Variants in ANK1 observed in about 807,000 individuals in gnomAD.
ANK1 encodes the protein ankyrin 1, also known as ankyrin-1.
Under a neutral mutation model 210.4 loss-of-function variants are expected in ANK1, and 51 were observed. The ratio of observed to expected loss-of-function variants is 0.24; its 90% CI spans 0.19 to 0.31. The LOEUF (loss-of-function observed/expected upper bound fraction) is 0.31. Ranked by LOEUF, ANK1 falls within the 10% of genes least tolerant of loss-of-function variation. ANK1 has a pLI of 1.00. For missense variants in ANK1, 2,051 were observed against 2,504.4 expected, an observed-to-expected ratio of 0.82 and a Z score of 3.86; for synonymous variants, 967 against 1,025.9, an observed-to-expected ratio of 0.94 and a Z score of 1.10.
chr8:41,723,769 T>A, intron 7 of ANK1, 136 bp from the exon 8 acceptor site: 16 of 605,004 alleles, frequency 2.6e-5, no homozygotes, highest in Non-Finnish European at 3.4e-5. Flanking sequence ...TGGCCTAAGA[T>A]ATTTTATTTT....
intron 1 of ANK1, among the ~76,000 whole-genome samples, chr8:41,833,434 A>G (rs1807049633): frequency 6.6e-6 from 1 of 152,142 alleles, no homozygotes; most frequent in South Asian, 2.1e-4. Context: ...ACAAAGGAAA[A>G]ATCTGTCCAG....
At chr8:41,695,694 A>T (rs572159601) in intron 26 of ANK1, among the ~76,000 whole-genome samples, 1 of 152,384 alleles carries the variant, frequency 6.6e-6, no homozygotes, top group African/African-American at 2.4e-5. Flanking sequence ...CATTTCCTTC[A>T]GAGGGACACT....
chr8:41,810,829 C>T (rs960457488), intron 1 of ANK1, among the ~76,000 whole-genome samples: 1 of 152,198 alleles, frequency 6.6e-6, no homozygotes, highest in African/African-American at 2.4e-5. Context: ...CCCGGGAATT[C>T]GGAGGCCAGG....
chr8:41,664,962 C>A, intron 39 of ANK1: 1 of 1,614,228 alleles, frequency 6.2e-7, no homozygotes, highest in Non-Finnish European at 8.5e-7. Flanking sequence ...GTTCTGACAG[C>A]TGACCAGGAA....
At chr8:41,683,754 G>A (rs1312094630) in intron 37 of ANK1, among the ~76,000 whole-genome samples, 2 of 152,228 alleles carry the variant, frequency 1.3e-5, no homozygotes, top group East Asian at 1.9e-4. Flanking sequence ...CCTCCTGGCC[G>A]GAGAGTGGGG....
At chr8:41,735,812 TG>T (rs1833273832) in intron 2 of ANK1, among the ~76,000 whole-genome samples, 1 of 152,162 alleles carries the variant, frequency 6.6e-6, no homozygotes, top group African/African-American at 2.4e-5. Flanking sequence ...GTGGGGACCT[TG>T]GATGCAGCAA....
intron 1 of ANK1, among the ~76,000 whole-genome samples, chr8:41,812,721 C>T (rs1233175383): frequency 3.3e-5 from 5 of 152,106 alleles, no homozygotes; most frequent in Admixed American, 6.6e-5. Flanking sequence ...TTCCACGGAC[C>T]GGAGGTGGTG....
chr8:41,684,234 A>C (rs1331161996), intron 37 of ANK1, among the ~76,000 whole-genome samples: 2 of 152,170 alleles, frequency 1.3e-5, no homozygotes, highest in Non-Finnish European at 2.9e-5. Flanking sequence ...GAGGCCTCTG[A>C]CTCAGCTTTT....
At chr8:41,838,642 T>C (rs1808248960) in intron 1 of ANK1, among the ~76,000 whole-genome samples, 1 of 151,198 alleles carries the variant, frequency 6.6e-6, no homozygotes, top group Non-Finnish European at 1.5e-5. Context: ...GGTGCGTGCC[T>C]GTAATCCCAG....
At chr8:41,696,316 C>T (rs1390123397) in intron 26 of ANK1, 47 bp downstream of exon 26, 7 of 1,600,298 alleles carry the variant, frequency 4.4e-6, no homozygotes, top group African/African-American at 1.3e-5. Flanking sequence ...GCGTGGCCTC[C>T]GTGGCACAGG....
intron 2 of ANK1, among the ~76,000 whole-genome samples, chr8:41,755,321 G>A (rs899292125): frequency 6.6e-6 from 1 of 152,214 alleles, no homozygotes; most frequent in African/African-American, 2.4e-5. Flanking sequence ...ATTCCCTGGT[G>A]GCATCAAAAT....
At chr8:41,838,740 G>A (rs1256795363) in intron 1 of ANK1, among the ~76,000 whole-genome samples, 2 of 145,366 alleles carry the variant, frequency 1.4e-5, no homozygotes, top group African/African-American at 5.5e-5. Context: ...ACTCCAGCCT[G>A]GGGGACAAAG....
Position 41,725,804 on chromosome 8 carries a change from G to A in ANK1, c.569C>T (p.Ala190Val). The change falls in exon 6 of 43, where the codon GCG becomes GTG. Residue 190 changes from alanine (A) to valine (V), a missense_variant. Ala to Val is a moderately conservative substitution (Grantham distance 64). Transcript: ENST00000289734. ...AARNDDTRTAAVLLQNDPNPD... is the reference protein window; with the variant it reads ...AARNDDTRTAVVLLQNDPNPD... ...GTTGGGGTCGTTCTGCAGCAGCACC[G>A]CAGCCGTGCGCGTGTCGTCGTTGCG... is the stretch of plus-strand genomic sequence containing the variant. 6 of 1,611,646 alleles carry A rather than the reference G, an allele frequency of 3.7e-6. No homozygotes were observed. Among genetic ancestry groups the A allele is most frequent in the Non-Finnish European group, 5.1e-6 (6 of 1,179,744 alleles).
In ANK1 at chr8:41,794,367, C is replaced by G. The variant is rs567131682; in HGVS notation, c.27+3145G>C. ...TCAGGACCTTTGCATGTGCTGTTTC[C>G]TCTGGAGTTTGGCCTGGCTGTTTCC... is the stretch of plus-strand genomic sequence containing the variant. On this transcript the variant is annotated intron_variant, in intron 1 of 42. Coordinates refer to ENST00000289734, the MANE Select transcript of ANK1 (RefSeq NM_000037.4). Among the ~76,000 whole-genome samples, 64 of 152,266 alleles carry G rather than the reference C, an allele frequency of 4.2e-4. No individual in the cohort carries two copies. The South Asian group carries it at 0.011, about 25-fold the overall frequency.
In ANK1 at chr8:41,877,885, G is replaced by A. The variant is rs975319107; in HGVS notation, c.126+18470C>T. On this transcript the variant is annotated intron_variant, in intron 1 of 42. Transcript: ENST00000265709. ...GCCTGAAGACAGAAGCCAGGTAGAC[G>A]TGCCTGAGGAACAGAGCTAAGGCGA... Among the ~76,000 whole-genome samples the A allele has an allele frequency of 3.3e-5, 5 of 152,224 alleles. No homozygotes were observed. In the South Asian group the frequency reaches 1.0e-3, roughly 32 times the overall value.
At position 41,699,437 on chromosome 8, in the gene ANK1, G is replaced by A. The variant is rs754882858; in HGVS notation, c.2558+15C>T. The A allele has an allele frequency of 3.6e-5, 58 of 1,613,328 alleles. 1 individual carries two copies. The highest frequency in any genetic ancestry group is 2.0e-4 in the Admixed American group (12 of 60,000). On this transcript the variant is annotated intron_variant, in intron 23 of 42. Transcript: ENST00000289734. ...TCTCGGCACCCCCGGGGACCCTCCC[G>A]GGAGCACTGCTCACACTTGGTCTAG... is the stretch of plus-strand genomic sequence containing the variant.
chr8:41,812,649 A>G (rs1017100380), intron 1 of ANK1, among the ~76,000 whole-genome samples: 3 of 152,230 alleles, frequency 2.0e-5, no homozygotes, highest in Admixed American at 2.0e-4. Context: ...CATGAAATAT[A>G]CCAGAGAATA....
chr8:41,657,692 A>G (rs1806260955), intron 42 of ANK1, among the ~76,000 whole-genome samples: 1 of 152,210 alleles, frequency 6.6e-6, no homozygotes, highest in South Asian at 2.1e-4. Context: ...TTCAGACCTC[A>G]GAGATCATGC....
intron 1 of ANK1, among the ~76,000 whole-genome samples, chr8:41,817,604 A>T (rs1465019833): frequency 1.3e-5 from 2 of 152,234 alleles, no homozygotes; most frequent in East Asian, 3.8e-4. Context: ...GGAAACCAAA[A>T]TATTCCTCTG....
Sources: allele counts gnomAD v4.1 joint callset (sites outside exome capture counted in the v4.1 genomes callset), GRCh38; gene constraint gnomAD v4.1.1; transcripts MANE v1.5; gene names NCBI Gene and HGNC (gene_info 2026-07-23, HGNC 2026-07-21).